CDK6: variants seen among roughly 807,000 people sequenced by gnomAD.
CDK6 encodes the protein cyclin dependent kinase 6, also known as cyclin-dependent kinase 6.
A neutral mutation model predicts 37.1 loss-of-function variants in CDK6; 6 were observed. That is an observed-to-expected ratio of 0.16 (90% CI 0.09 to 0.32). The LOEUF (loss-of-function observed/expected upper bound fraction) is 0.32. CDK6 is among the 10% of genes least tolerant of loss of function. The pLI is 1.00. For synonymous variants in CDK6, 160 were observed against 161.3 expected (o/e 0.99, Z 0.06); for missense variants, 224 against 418.9 (o/e 0.53, Z 4.06).
At chr7:92,819,791 T>C (rs1275627671) in intron 2 of CDK6, among the ~76,000 whole-genome samples, 1 of 151,946 alleles carries the variant, frequency 6.6e-6, no homozygotes, top group East Asian at 1.9e-4. Context: ...TATTAATTAC[T>C]GAGAGTAAAT....
chr7:92,687,417 A>T (rs896794514), intron 4 of CDK6, among the ~76,000 whole-genome samples: 8 of 152,208 alleles, frequency 5.3e-5, no homozygotes, highest in Non-Finnish European at 1.0e-4. Flanking sequence ...CTTTTCTGAT[A>T]AAGAAGTTCT....
chr7:92,700,415 G>C (rs184750884), intron 4 of CDK6, among the ~76,000 whole-genome samples: 1 of 152,200 alleles, frequency 6.6e-6, no homozygotes. Flanking sequence ...AGCAGTAGGA[G>C]AGGAAAGGCA....
intron 5 of CDK6, among the ~76,000 whole-genome samples, chr7:92,668,746 C>T (rs1031416542): frequency 1.3e-5 from 2 of 152,066 alleles, no homozygotes; most frequent in African/African-American, 2.4e-5. Context: ...GGTGATGGAC[C>T]CCAGAACTCA....
At chr7:92,742,549 T>C (rs1171996309) in intron 3 of CDK6, among the ~76,000 whole-genome samples, 1 of 152,190 alleles carries the variant, frequency 6.6e-6, no homozygotes, top group Non-Finnish European at 1.5e-5. Context: ...ACTTTAACTA[T>C]ATATCTAAGA....
chr7:92,782,372 T>C (rs547981078), intron 2 of CDK6, among the ~76,000 whole-genome samples: 68 of 152,184 alleles, frequency 4.5e-4, no homozygotes, highest in Non-Finnish European at 3.5e-4. Flanking sequence ...ACACCCTTAT[T>C]TTCTGTTGAG....
At chr7:92,700,503 C>CCT (rs1402640172) in intron 4 of CDK6, among the ~76,000 whole-genome samples, 3 of 152,124 alleles carry the variant, frequency 2.0e-5, no homozygotes, top group African/African-American at 7.2e-5. Context: ...AGGTTTCTGG[C>CCT]CTGGGTGGCC....
At chr7:92,826,014 G>A (rs1303210151) in intron 2 of CDK6, among the ~76,000 whole-genome samples, 1 of 152,068 alleles carries the variant, frequency 6.6e-6, no homozygotes, top group African/African-American at 2.4e-5. Flanking sequence ...CCCAATAAGT[G>A]TAATCCAATA....
chr7:92,821,266 A>G (rs1436783313), intron 2 of CDK6, among the ~76,000 whole-genome samples: 1 of 152,122 alleles, frequency 6.6e-6, no homozygotes, highest in Non-Finnish European at 1.5e-5. Flanking sequence ...ACCAACTTGC[A>G]TGAACCACCA....
chr7:92,661,141 G>A (rs1479571507), intron 5 of CDK6, among the ~76,000 whole-genome samples: 1 of 152,070 alleles, frequency 6.6e-6, no homozygotes. Context: ...ATGGAGAGGA[G>A]GCTCCTGGAT....
intron 3 of CDK6, among the ~76,000 whole-genome samples, chr7:92,737,852 T>C (rs1798823393): frequency 1.3e-5 from 2 of 152,188 alleles, no homozygotes; most frequent in Admixed American, 6.5e-5. Context: ...GTTTTTATTA[T>C]GGGTCATAAA....
chr7:92,671,365 T>C, intron 5 of CDK6, 61 bp downstream of exon 5: 1 of 1,088,282 alleles, frequency 9.2e-7, no homozygotes, highest in Non-Finnish European at 1.3e-6. Flanking sequence ...GCCACTCAAA[T>C]TCACAAAGAT....
chr7:92,653,256 T>C (rs1281296352), intron 5 of CDK6, among the ~76,000 whole-genome samples: 1 of 152,212 alleles, frequency 6.6e-6, no homozygotes, highest in East Asian at 1.9e-4. Flanking sequence ...ACCATCTATC[T>C]GATAAGCAAA....
At chr7:92,668,623 T>C (rs1450610800) in intron 5 of CDK6, among the ~76,000 whole-genome samples, 2 of 152,182 alleles carry the variant, frequency 1.3e-5, no homozygotes, top group South Asian at 4.1e-4. Flanking sequence ...TAGGATTCCC[T>C]GATTTAGGAT....
At chr7:92,662,998 T>C (rs1325230914) in intron 5 of CDK6, among the ~76,000 whole-genome samples, 5 of 152,134 alleles carry the variant, frequency 3.3e-5, no homozygotes, top group African/African-American at 1.2e-4. Context: ...TCTTCCTATG[T>C]GACAAGGATT....
At chr7:92,724,111 G>A (rs140724510) in intron 4 of CDK6, among the ~76,000 whole-genome samples, 1 of 152,130 alleles carries the variant, frequency 6.6e-6, no homozygotes, top group East Asian at 1.9e-4. Context: ...GCCTATTCAA[G>A]CTTCTCCCCA....
chr7:92,712,755 T>A (rs570494684), intron 4 of CDK6, among the ~76,000 whole-genome samples: 4 of 152,352 alleles, frequency 2.6e-5, no homozygotes, highest in Admixed American at 6.5e-5. Context: ...TTTTAACATC[T>A]ACTTGCCAAT....
intron 3 of CDK6, among the ~76,000 whole-genome samples, chr7:92,747,885 T>C (rs1799097587): frequency 6.6e-6 from 1 of 152,232 alleles, no homozygotes; most frequent in Non-Finnish European, 1.5e-5. Context: ...GTAGGCTTTC[T>C]TGTTCCCATA....
intron 2 of CDK6, among the ~76,000 whole-genome samples, chr7:92,814,570 A>AAG (rs1195420292): frequency 1.5e-4 from 23 of 152,048 alleles, no homozygotes; most frequent in African/African-American, 5.5e-4. Context: ...AAAAAAAAAA[A>AAG]AAAAAGACAT....
intron 4 of CDK6, among the ~76,000 whole-genome samples, chr7:92,695,525 G>T (rs757084253): frequency 1.3e-5 from 2 of 152,154 alleles, no homozygotes; most frequent in African/African-American, 4.8e-5. Flanking sequence ...TAAGAGCAGC[G>T]GCTAAGTTCC....
Sources: allele counts gnomAD v4.1 joint callset (sites outside exome capture counted in the v4.1 genomes callset), GRCh38; gene constraint gnomAD v4.1.1; transcripts MANE v1.5; gene names NCBI Gene and HGNC (gene_info 2026-07-23, HGNC 2026-07-21).